FAM177B: variants seen among roughly 807,000 people sequenced by gnomAD.
The protein encoded by FAM177B is protein FAM177B.
In FAM177B, 16 loss-of-function variants were observed where a neutral mutation model predicts 16.1. The observed-to-expected ratio is 0.99, with a 90% CI of 0.67 to 1.51. The LOEUF is 1.51. Among genes scored for constraint, FAM177B ranks in the 40% most tolerant of loss-of-function variants. The pLI is 0.00. For synonymous variants in FAM177B, 56 were observed against 59.9 expected, an observed-to-expected ratio of 0.93 and a Z score of 0.30; for missense variants, 178 against 183.7, an observed-to-expected ratio of 0.97 and a Z score of 0.18.
chr1:222,741,359 T>G lies in FAM177B; in HGVS notation c.-16+3338T>G, dbSNP rs190803218. Among the ~76,000 whole-genome samples the G allele has an allele frequency of 3.8e-3, 584 of 152,184 alleles. 2 individuals are homozygous for G. Among genetic ancestry groups the G allele is most frequent in the Non-Finnish European group, 6.3e-3 (425 of 67,990 alleles). ...GATTATAGGCATGAGCCACCATGCCTGGGACATCTTACTTTTTCTTACCTC... is the reference window on the plus strand; with the variant it reads ...GATTATAGGCATGAGCCACCATGCCGGGGACATCTTACTTTTTCTTACCTC... On this transcript the variant is annotated intron_variant, in intron 2 of 5. Coordinates refer to ENST00000445590, the MANE Select transcript of FAM177B (RefSeq NM_001394345.1).
intron 2 of FAM177B, among the ~76,000 whole-genome samples, chr1:222,743,947 T>C (rs915155358): frequency 1.3e-5 from 2 of 152,078 alleles, no homozygotes; most frequent in African/African-American, 4.8e-5. Flanking sequence ...TTTTGTTCTT[T>C]CTCTTATTCT....
Position 222,750,454 on chromosome 1 carries a change from G to C in FAM177B, c.*396G>C. 1.0e-6 allele frequency: 1 copy of C among 996,266 alleles called. No individual in the cohort carries two copies. The highest frequency in any genetic ancestry group is 1.2e-6 in the Non-Finnish European group (1 of 837,572). 61.7% of individuals were successfully genotyped at this position (996,266 alleles called of 1,614,324 possible). ...AGTAAAGAAGCTCTATTCCTCAGAA[G>C]AAAATTTGGGCACCGCAAAGTCTAA... On this transcript the variant is annotated 3_prime_UTR_variant, in exon 6 of 6. Coordinates refer to ENST00000445590, the MANE Select transcript of FAM177B (RefSeq NM_001394345.1).
At chr1:222,746,484 C>A in intron 2 of FAM177B, 47 bp from the exon 3 acceptor site, 1 of 1,079,446 alleles carries the variant, frequency 9.3e-7, no homozygotes, top group South Asian at 1.6e-5. Context: ...AGATAACTCT[C>A]AGCTCTGGGT....
At position 222,750,667 on chromosome 1, in the gene FAM177B, A is replaced by G. The variant is rs1267943080; in HGVS notation, c.*609A>G. 1 of 545,620 alleles carries G rather than the reference A, an allele frequency of 1.8e-6. No homozygotes were observed. Among genetic ancestry groups the G allele is most frequent in the Non-Finnish European group, 2.3e-6 (1 of 428,760 alleles). 33.8% of individuals were successfully genotyped at this position (545,620 alleles called of 1,614,324 possible). A position where few individuals can be genotyped will look rare whatever the true frequency, so the allele number is the denominator to read the frequency against. On this transcript the variant is annotated 3_prime_UTR_variant, in exon 6 of 6. Transcript: ENST00000445590. ...ATAAATAATATAAGCTCTAGAAAAA[A>G]ATATTAATGGATTATTTTCTTATTT...
Position 222,750,258 on chromosome 1 carries a change from A to C in FAM177B, c.*200A>C. 7.3e-7 allele frequency: 1 copy of C among 1,374,140 alleles called. No homozygotes were observed. The highest frequency in any genetic ancestry group is 2.7e-4 in the Middle Eastern group (1 of 3,710). The allele number at this position is 1,374,140 out of a possible 1,614,324, so 85.1% of individuals were successfully genotyped here. A position where few individuals can be genotyped will look rare whatever the true frequency, so the allele number is the denominator to read the frequency against. ...GGAATTACAAGCAATAATGAGAGTA[A>C]TTTTGGACACTTTCTCAGAATAATT... On this transcript the variant is annotated 3_prime_UTR_variant, in exon 6 of 6. Transcript: ENST00000445590.
At chr1:222,749,845 G>T in intron 5 of FAM177B, 76 bp from the exon 6 acceptor site, 1 of 1,440,572 alleles carries the variant, frequency 6.9e-7, no homozygotes, top group Non-Finnish European at 9.7e-7. Flanking sequence ...TCTTACATGG[G>T]CATTATATAC....
chr1:222,739,426 A>G (rs1658427545), intron 2 of FAM177B, among the ~76,000 whole-genome samples: 1 of 152,190 alleles, frequency 6.6e-6, no homozygotes, highest in African/African-American at 2.4e-5. Context: ...CTGGTCCCCA[A>G]ACTTGCCTGA....
Position 222,740,509 on chromosome 1 carries a change from C to G in FAM177B, c.-16+2488C>G, listed in dbSNP as rs373170996. 5.7e-4 allele frequency among the ~76,000 whole-genome samples: 86 copies of G among 152,140 alleles called. 1 individual carries two copies. The highest frequency in any genetic ancestry group is 2.0e-3 in the African/African-American group (81 of 41,500). On this transcript the variant is annotated intron_variant, in intron 2 of 5. Transcript: ENST00000445590. ...TTATTTTCTTCTGCTGGTTTTGAAG[C>G]TATACATTCTAATTCCATTATTTGT...
At chr1:222,746,509 T>G (rs775156920) in intron 2 of FAM177B, 22 bp from the exon 3 acceptor site, 13 of 1,430,334 alleles carry the variant, frequency 9.1e-6, no homozygotes, top group African/African-American at 1.5e-5. Context: ...TGCCCTAAGG[T>G]GCCCTGTTTT....
intron 3 of FAM177B, 66 bp downstream of exon 3, chr1:222,746,785 C>A: frequency 7.5e-7 from 1 of 1,331,090 alleles, no homozygotes. Context: ...AGAGATTGAG[C>A]CAGACAAGGT....
chr1:222,750,248 A>G lies in FAM177B; in HGVS notation c.*190A>G. 7.2e-7 allele frequency: 1 copy of G among 1,390,612 alleles called. No homozygotes were observed. The highest frequency in any genetic ancestry group is 9.3e-7 in the Non-Finnish European group (1 of 1,077,542). 86.1% of individuals were successfully genotyped at this position (1,390,612 alleles called of 1,614,324 possible). A position where few individuals can be genotyped will look rare whatever the true frequency, so the allele number is the denominator to read the frequency against. ...CAAGCATCCAGGAATTACAAGCAAT[A>G]ATGAGAGTAATTTTGGACACTTTCT... On this transcript the variant is annotated 3_prime_UTR_variant, in exon 6 of 6. Transcript: ENST00000445590.
chr1:222,749,863 GGAGTTCA>G (rs1450994658), intron 5 of FAM177B, 51 bp from the exon 6 acceptor site: 11 of 1,557,180 alleles, frequency 7.1e-6, no homozygotes, highest in Non-Finnish European at 9.7e-6. Flanking sequence ...TACAAGAGGG[GGAGTTCA>G]GAGGTCTTTG....
At chr1:222,744,348 T>C (rs1658690497) in intron 2 of FAM177B, among the ~76,000 whole-genome samples, 1 of 151,852 alleles carries the variant, frequency 6.6e-6, no homozygotes, top group Non-Finnish European at 1.5e-5. Flanking sequence ...GGTGGGTGCC[T>C]GTAGTCCCAG....
chr1:222,744,914 A>G (rs1300304014), intron 2 of FAM177B, among the ~76,000 whole-genome samples: 1 of 152,148 alleles, frequency 6.6e-6, no homozygotes, highest in Non-Finnish European at 1.5e-5. Flanking sequence ...GTCACCCCAA[A>G]AAGCTCCCTT....
At chr1:222,738,625 C>T (rs963485463) in intron 2 of FAM177B, among the ~76,000 whole-genome samples, 1 of 146,798 alleles carries the variant, frequency 6.8e-6, no homozygotes, top group African/African-American at 2.5e-5. Context: ...GAGGTTGCAC[C>T]ACTGCACCAC....
rs1196871101 is a variant in FAM177B, at chr1:222,750,523, A to G, written c.*465A>G. On this transcript the variant is annotated 3_prime_UTR_variant, in exon 6 of 6. Transcript: ENST00000445590. ...TTTGATATAGTGTGTACTTCCAACA[A>G]CCATCCTGGCGTAGTTGGGGATTGT... The G allele has an allele frequency of 1.0e-6, 1 of 986,066 alleles. No individual in the cohort carries two copies. The highest frequency in any genetic ancestry group is 1.1e-4 in the East Asian group (1 of 8,840). 61.1% of individuals were successfully genotyped at this position (986,066 alleles called of 1,614,324 possible).
At chr1:222,748,484 G>C (rs532133593) in intron 4 of FAM177B, among the ~76,000 whole-genome samples, 3 of 152,134 alleles carry the variant, frequency 2.0e-5, no homozygotes, top group African/African-American at 7.2e-5. Context: ...GCTCCTGACT[G>C]GGGCTTCAAG....
intron 2 of FAM177B, among the ~76,000 whole-genome samples, chr1:222,743,551 G>A (rs937913725): frequency 5.3e-5 from 8 of 152,078 alleles, no homozygotes; most frequent in Non-Finnish European, 1.2e-4. Flanking sequence ...GAGTTCAGTG[G>A]ATTACACTGC....
intron 4 of FAM177B, among the ~76,000 whole-genome samples, chr1:222,748,130 T>C (rs1018565527): frequency 6.6e-6 from 1 of 152,110 alleles, no homozygotes; most frequent in African/African-American, 2.4e-5. Context: ...AAGAAATAAG[T>C]GCTTTTACAC....
Sources: allele counts gnomAD v4.1 joint callset (sites outside exome capture counted in the v4.1 genomes callset), GRCh38; gene constraint gnomAD v4.1.1; transcripts MANE v1.5; gene names NCBI Gene and HGNC (gene_info 2026-07-23, HGNC 2026-07-21).